The following BCAS1 variants were observed in gnomAD, a reference collection of about 807,000 sequenced individuals.
BCAS1 encodes brain enriched myelin associated protein 1, also known as breast carcinoma-amplified sequence 1.
A neutral mutation model predicts 65.4 loss-of-function variants in BCAS1; 46 were observed. That is an observed-to-expected ratio of 0.70 (90% CI 0.55 to 0.90). The LOEUF (loss-of-function observed/expected upper bound fraction) is 0.90, where lower values mean the gene tolerates loss of function less well. BCAS1 is among the 40% of genes least tolerant of loss of function. The pLI, the probability that BCAS1 is intolerant of heterozygous loss-of-function variation, is 0.00. For synonymous variants in BCAS1, 298 were observed against 293.5 expected (o/e 1.02, Z -0.16); for missense variants, 793 against 771.2 (o/e 1.03, Z -0.33).
chr20:54,035,852 C>T (rs1012224368), intron 3 of BCAS1, among the ~76,000 whole-genome samples: 2 of 151,332 alleles, frequency 1.3e-5, no homozygotes, highest in Non-Finnish European at 3.0e-5. Context: ...GGTACATATA[C>T]ACCATGGAAT....
At chr20:53,975,476 A>G (rs1218144103) in intron 8 of BCAS1, 46 bp from the exon 9 acceptor site, 2 of 1,562,356 alleles carry the variant, frequency 1.3e-6, no homozygotes, top group East Asian at 4.5e-5. Context: ...GGTTACAGAA[A>G]ACAAAATTGT....
intron 11 of BCAS1, 140 bp from the exon 12 acceptor site, chr20:53,953,835 A>T: frequency 1.0e-6 from 1 of 1,003,372 alleles, no homozygotes; most frequent in South Asian, 1.8e-5. Flanking sequence ...AAATGAATAT[A>T]AAAAAAGGTA....
intron 7 of BCAS1, among the ~76,000 whole-genome samples, chr20:53,990,071 T>A (rs1568849453): frequency 6.6e-6 from 1 of 152,188 alleles, no homozygotes; most frequent in Admixed American, 6.5e-5. Flanking sequence ...TGTTTTCACA[T>A]TGGGTGTGGG....
rs781612936 is a variant in BCAS1 at position 53,957,468 on chromosome 20, G to C, written c.1515C>G (p.His505Gln). 1 of 1,614,154 alleles carries C rather than the reference G, an allele frequency of 6.2e-7. No homozygotes were observed. The highest frequency in any genetic ancestry group is 8.5e-7 in the Non-Finnish European group (1 of 1,179,968). Residue 505 changes from histidine to glutamine, a missense_variant, in exon 11 of 13, where the codon CAC becomes CAG. Coordinates refer to ENST00000688948, the MANE Select transcript of BCAS1 (RefSeq NM_001366298.2). ...MSVKGDGGIT[H>Q]SEEINGKDSS... ...AGTCTTTCCCATTTATTTCTTCTGAGTGGGTGATCCCTCCATCCCCTTTCA... is the reference window on the plus strand; with the variant it reads ...AGTCTTTCCCATTTATTTCTTCTGACTGGGTGATCCCTCCATCCCCTTTCA...
chr20:54,016,984 C>T (rs865852464), intron 4 of BCAS1, among the ~76,000 whole-genome samples: 2 of 152,166 alleles, frequency 1.3e-5, no homozygotes, highest in African/African-American at 2.4e-5. Flanking sequence ...TCATCTCACA[C>T]GGGGGTAGCA....
chr20:53,964,252 G>A (rs976880126), intron 10 of BCAS1, among the ~76,000 whole-genome samples: 2 of 152,162 alleles, frequency 1.3e-5, no homozygotes, highest in Admixed American at 1.3e-4. Context: ...ATACCCACAG[G>A]GAAAGGGCCG....
chr20:53,996,881 C>T (rs2090930048), intron 4 of BCAS1, among the ~76,000 whole-genome samples: 1 of 152,232 alleles, frequency 6.6e-6, no homozygotes, highest in Non-Finnish European at 1.5e-5. Flanking sequence ...TCTCCATCCT[C>T]TCTGTACCAC....
At chr20:54,027,443 CGGAAGTGCAAAG>C (rs2091697955) in intron 4 of BCAS1, among the ~76,000 whole-genome samples, 1 of 152,146 alleles carries the variant, frequency 6.6e-6, no homozygotes, top group African/African-American at 2.4e-5. Flanking sequence ...ATTAGCACTT[CGGAAGTGCAAAG>C]TTGCATTGTA....
intron 4 of BCAS1, 43 bp downstream of exon 4, chr20:54,028,349 A>T (rs1236467012): frequency 6.2e-7 from 1 of 1,603,592 alleles, no homozygotes; most frequent in Admixed American, 1.7e-5. Flanking sequence ...AGCGCCCCCG[A>T]GCATGCATTC....
intron 12 of BCAS1, among the ~76,000 whole-genome samples, chr20:53,947,684 C>T (rs1435242852): frequency 2.0e-5 from 3 of 152,094 alleles, no homozygotes; most frequent in Non-Finnish European, 4.4e-5. Context: ...AAGTGGGGTG[C>T]CGGCTTCTGT....
At chr20:53,968,120 C>T (rs1192230119) in intron 9 of BCAS1, among the ~76,000 whole-genome samples, 2 of 152,208 alleles carry the variant, frequency 1.3e-5, no homozygotes, top group Non-Finnish European at 2.9e-5. Context: ...TGGCCTGCCA[C>T]GTAGCTGAGA....
rs775028060 is a variant in BCAS1 at position 54,058,148 on chromosome 20, C to A, written c.79G>T (p.Ala27Ser). 1 of 1,613,990 alleles carries A rather than the reference C, an allele frequency of 6.2e-7. No individual in the cohort carries two copies. The highest frequency in any genetic ancestry group is 1.1e-5 in the South Asian group (1 of 91,050). ...EPEAETYQDN[A>S]SALNGVPVVV... ...ACTGGAACCCCGTTCAGAGCAGACG[C>A]GTTGTCCTGAAACAGAGCACGTGGC... The change falls in exon 3 of 13, where the codon GCG becomes TCG. Residue 27 changes from alanine (A) to serine (S), a missense_variant. Transcript: ENST00000688948.
At chr20:54,056,808 A>G (rs972672678) in intron 3 of BCAS1, among the ~76,000 whole-genome samples, 14 of 152,210 alleles carry the variant, frequency 9.2e-5, no homozygotes, top group African/African-American at 3.4e-4. Flanking sequence ...CCAGAATCTT[A>G]CATGTGAAAG....
rs1308509018 is a variant in BCAS1 at position 54,058,072 on chromosome 20, G to A, written c.142+13C>T. On this transcript the variant is annotated intron_variant, in intron 3 of 12. Transcript: ENST00000688948. ...CACGAGAGGGTAGATGCCCTTCCCA[G>A]AGTAGCACTGACCTTCCTCTAAGTG... 6.2e-7 allele frequency: 1 copy of A among 1,609,320 alleles called. No homozygotes were observed.
At chr20:54,040,677 G>C (rs1040426539) in intron 3 of BCAS1, among the ~76,000 whole-genome samples, 1 of 151,228 alleles carries the variant, frequency 6.6e-6, no homozygotes, top group African/African-American at 2.4e-5. Flanking sequence ...GCCATAATCA[G>C]AGAGACAATA....
intron 8 of BCAS1, among the ~76,000 whole-genome samples, chr20:53,976,584 G>T (rs1397204331): frequency 6.6e-6 from 1 of 152,218 alleles, no homozygotes; most frequent in East Asian, 1.9e-4. Flanking sequence ...AGAAATAGAA[G>T]TTCAGAGAGG....
At chr20:53,964,359 C>T (rs1458071139) in intron 10 of BCAS1, among the ~76,000 whole-genome samples, 2 of 152,128 alleles carry the variant, frequency 1.3e-5, no homozygotes, top group Non-Finnish European at 2.9e-5. Flanking sequence ...TTGAATTAAT[C>T]ACAGTATAAA....
chr20:54,069,204 G>C (rs1444326707), intron 1 of BCAS1, among the ~76,000 whole-genome samples: 1 of 152,102 alleles, frequency 6.6e-6, no homozygotes, highest in Non-Finnish European at 1.5e-5. Context: ...GATCAGCTCA[G>C]GATCCCCAGG....
intron 3 of BCAS1, among the ~76,000 whole-genome samples, chr20:54,034,546 G>C (rs1017344508): frequency 6.6e-6 from 1 of 151,138 alleles, no homozygotes; most frequent in South Asian, 2.1e-4. Context: ...GCCACAAAAA[G>C]AGTAAAATAC....
Sources: allele counts gnomAD v4.1 joint callset (sites outside exome capture counted in the v4.1 genomes callset), GRCh38; gene constraint gnomAD v4.1.1; transcripts MANE v1.5; gene names NCBI Gene and HGNC (gene_info 2026-07-23, HGNC 2026-07-21).